The following DPF3 variants were observed in gnomAD, a reference collection of about 807,000 sequenced individuals.
The protein encoded by DPF3 is zinc finger protein DPF3.
In DPF3, 18 loss-of-function variants were observed where a neutral mutation model predicts 56.8. The observed-to-expected ratio is 0.32, with a 90% confidence interval of 0.22 to 0.47. The LOEUF is 0.47. Among genes scored for constraint, DPF3 ranks in the 20% least tolerant of loss-of-function variants. The probability of loss-of-function intolerance (pLI) is 1.00; values close to 1 mark genes in which losing one functional copy is unlikely to be tolerated. For missense variants in DPF3, 403 were observed against 488.8 expected, an observed-to-expected ratio of 0.82 and a Z score of 1.65; for synonymous variants, 188 against 180.2, an observed-to-expected ratio of 1.04 and a Z score of -0.35.
chr14:72,804,728 T>C (rs1675057732), intron 1 of DPF3, among the ~76,000 whole-genome samples: 1 of 152,174 alleles, frequency 6.6e-6, no homozygotes. Context: ...TAGTTGAATC[T>C]GATTCAACTG....
rs1156952102 is a variant in DPF3, at chr14:72,612,732, T to G, written c.*6565A>C. 2 of 417,158 alleles carry G rather than the reference T, an allele frequency of 4.8e-6. No individual in the cohort carries two copies. The highest frequency in any genetic ancestry group is 4.8e-6 in the Non-Finnish European group (1 of 208,612). The allele number at this position is 417,158 out of a possible 1,614,324, so 25.8% of individuals were successfully genotyped here. A position where few individuals can be genotyped will look rare whatever the true frequency, so the allele number is the denominator to read the frequency against. ...CCTTTGATAGCAGAATTGAGACTTT[T>G]GAAGTACCCAACTATTGCCAAATAT... On this transcript the variant is annotated 3_prime_UTR_variant, in exon 11 of 11. Coordinates refer to ENST00000556509, the MANE Select transcript of DPF3 (RefSeq NM_001280542.3).
chr14:72,887,681 T>C (rs1353937660), intron 1 of DPF3, among the ~76,000 whole-genome samples: 1 of 20,918 alleles, frequency 4.8e-5, no homozygotes, highest in East Asian at 4.5e-3. Context: ...AGACAAGGAA[T>C]ATGCGGCTCA....
At chr14:72,821,789 T>G (rs1432825649) in intron 1 of DPF3, among the ~76,000 whole-genome samples, 1 of 152,128 alleles carries the variant, frequency 6.6e-6, no homozygotes, top group East Asian at 1.9e-4. Flanking sequence ...GAGGACTGCT[T>G]GAGGCCAGGA....
intron 8 of DPF3, among the ~76,000 whole-genome samples, chr14:72,672,229 AC>A (rs1416144745): frequency 1.3e-5 from 2 of 152,176 alleles, no homozygotes; most frequent in African/African-American, 4.8e-5. Context: ...TCAGGTTTAA[AC>A]TTTTTTGCAT....
intron 6 of DPF3, among the ~76,000 whole-genome samples, chr14:72,706,996 T>A (rs1236974209): frequency 6.6e-6 from 1 of 151,860 alleles, no homozygotes; most frequent in Admixed American, 6.6e-5. Flanking sequence ...CCCACAACAG[T>A]CCCCAGAATG....
chr14:72,611,320 A>T lies in DPF3; in HGVS notation c.*7977T>A, dbSNP rs1158302612. Among the ~76,000 whole-genome samples the T allele has an allele frequency of 6.6e-6, 1 of 152,244 alleles. No individual in the cohort carries two copies. The highest frequency in any genetic ancestry group is 1.5e-5 in the Non-Finnish European group (1 of 68,040). On this transcript the variant is annotated 3_prime_UTR_variant, in exon 11 of 11. Coordinates refer to ENST00000556509, the MANE Select transcript of DPF3 (RefSeq NM_001280542.3). ...TATTCCTAATGCTGTCAACACAAAC[A>T]ACTGAGAGTCTAAGCCAGCACGAAG...
At chr14:72,672,066 C>G (rs2332891) in intron 8 of DPF3, among the ~76,000 whole-genome samples, 50,450 of 136,166 alleles carry the variant, frequency 0.37, 8,820 homozygotes, top group East Asian at 0.68. Flanking sequence ...CACAGACACA[C>G]ACACACACAC....
In DPF3 at chr14:72,852,458, T is replaced by C. The variant is rs565486888; in HGVS notation, c.32+41599A>G. 7.2e-5 allele frequency among the ~76,000 whole-genome samples: 11 copies of C among 152,292 alleles called. No homozygotes were observed. In the South Asian group the frequency reaches 2.1e-3, roughly 29 times the overall value. ...CGCCCCCAACACACTCACACCCCCT[T>C]GCCTGAAATGGGGAGAGGGGTGGGA... On this transcript the variant is annotated intron_variant, in intron 1 of 10. Coordinates refer to ENST00000556509, the MANE Select transcript of DPF3 (RefSeq NM_001280542.3).
intron 7 of DPF3, among the ~76,000 whole-genome samples, chr14:72,682,046 T>G (rs1039152327): frequency 2.0e-5 from 3 of 152,050 alleles, no homozygotes; most frequent in African/African-American, 4.8e-5. Context: ...AAACCTCATC[T>G]CTACTAAAAA....
chr14:72,867,126 G>A (rs1399106828), intron 1 of DPF3, among the ~76,000 whole-genome samples: 1 of 151,776 alleles, frequency 6.6e-6, no homozygotes, highest in Non-Finnish European at 1.5e-5. Flanking sequence ...CAAACTCCCG[G>A]GCTCCAACAA....
chr14:72,667,995 G>A (rs913977019), intron 8 of DPF3, among the ~76,000 whole-genome samples: 4 of 152,104 alleles, frequency 2.6e-5, no homozygotes, highest in Non-Finnish European at 5.9e-5. Flanking sequence ...CTCAGTTTCC[G>A]CAAACTGGGG....
rs116120510 is a variant in DPF3, at chr14:72,728,487, G to T, written c.429+3320C>A. Among the ~76,000 whole-genome samples, 629 of 152,280 alleles carry T rather than the reference G, an allele frequency of 4.1e-3. 5 individuals are homozygous for T. Among genetic ancestry groups the T allele is most frequent in the African/African-American group, 0.014 (595 of 41,552 alleles). ...AAAATAAGCCTGAAAACTAGGTTAGGAATGGAGAGGACACGCCCAGGAAGG... is the reference window on the plus strand; with the variant it reads ...AAAATAAGCCTGAAAACTAGGTTAGTAATGGAGAGGACACGCCCAGGAAGG... On this transcript the variant is annotated intron_variant, in intron 4 of 10. Coordinates refer to ENST00000556509, the MANE Select transcript of DPF3 (RefSeq NM_001280542.3).
chr14:72,714,652 G>T (rs1183887326), intron 5 of DPF3, 151 bp from the exon 6 acceptor site: 2 of 757,122 alleles, frequency 2.6e-6, no homozygotes, highest in Non-Finnish European at 4.2e-6. Context: ...GAGGCCCAGA[G>T]AGGTCAGGAG....
At chr14:72,643,583 T>C (rs1885624971) in intron 8 of DPF3, among the ~76,000 whole-genome samples, 1 of 152,224 alleles carries the variant, frequency 6.6e-6, no homozygotes, top group Non-Finnish European at 1.5e-5. Context: ...AGCCCCTGGC[T>C]GGAGTGAGGA....
intron 8 of DPF3, among the ~76,000 whole-genome samples, chr14:72,634,257 A>C (rs1480610185): frequency 6.6e-6 from 1 of 152,208 alleles, no homozygotes; most frequent in Non-Finnish European, 1.5e-5. Flanking sequence ...AACTGTGCCC[A>C]GAACTAAATC....
At chr14:72,719,174 A>T (rs906375859) in intron 5 of DPF3, among the ~76,000 whole-genome samples, 4 of 146,974 alleles carry the variant, frequency 2.7e-5, no homozygotes, top group Non-Finnish European at 6.0e-5. Flanking sequence ...GGCTCCAGTG[A>T]TCCTCCCACC....
intron 8 of DPF3, chr14:72,662,014 C>G: frequency 1.0e-6 from 1 of 985,124 alleles, no homozygotes; most frequent in South Asian, 4.7e-5. Flanking sequence ...TTCTGACATT[C>G]AGATAAAAGG....
At chr14:72,824,232 C>A (rs892346316) in intron 1 of DPF3, among the ~76,000 whole-genome samples, 5 of 152,012 alleles carry the variant, frequency 3.3e-5, no homozygotes, top group Non-Finnish European at 5.9e-5. Context: ...GGTCAGATGC[C>A]GGGAAAAATT....
intron 1 of DPF3, among the ~76,000 whole-genome samples, chr14:72,831,242 G>T (rs1370100464): frequency 6.6e-6 from 1 of 152,060 alleles, no homozygotes; most frequent in African/African-American, 2.4e-5. Flanking sequence ...CTCTCTGTCT[G>T]CTTACTTGAC....
Sources: allele counts gnomAD v4.1 joint callset (sites outside exome capture counted in the v4.1 genomes callset), GRCh38; gene constraint gnomAD v4.1.1; transcripts MANE v1.5; gene names NCBI Gene and HGNC (gene_info 2026-07-23, HGNC 2026-07-21).